The following BCKDHB variants were observed in gnomAD, a reference collection of about 807,000 sequenced individuals.
BCKDHB encodes branched chain keto acid dehydrogenase E1 subunit beta.
BCKDHB carries 41 observed loss-of-function variants against 48.5 expected under a neutral mutation model. The observed-to-expected ratio is 0.85, with a 90% CI of 0.66 to 1.10. The LOEUF (loss-of-function observed/expected upper bound fraction) is 1.10. BCKDHB is among the 50% of genes least tolerant of loss of function. BCKDHB has a pLI of 0.00. For synonymous variants in BCKDHB, 201 were observed against 174.8 expected (o/e 1.15, Z -1.18); for missense variants, 496 against 494.2 (o/e 1.00, Z -0.03).
chr6:80,168,766 T>C, intron 4 of BCKDHB, 109 bp from the exon 5 acceptor site: 1 of 805,650 alleles, frequency 1.2e-6, no homozygotes, highest in Non-Finnish European at 1.7e-6. Context: ...GAAAGACTCA[T>C]TGTGCCTTGG....
chr6:80,234,039 C>T (rs1776043310), intron 8 of BCKDHB, among the ~76,000 whole-genome samples: 1 of 152,060 alleles, frequency 6.6e-6, no homozygotes, highest in Non-Finnish European at 1.5e-5. Flanking sequence ...CACCCTAGAT[C>T]CCTCGCATGC....
chr6:80,264,485 G>A (rs183885966), intron 8 of BCKDHB, among the ~76,000 whole-genome samples: 46 of 152,228 alleles, frequency 3.0e-4, no homozygotes, highest in Non-Finnish European at 1.5e-5. Context: ...TGTGTAACTT[G>A]TCTCTTTTGT....
chr6:80,178,161 G>C (rs1773252306), intron 6 of BCKDHB, among the ~76,000 whole-genome samples: 2 of 152,138 alleles, frequency 1.3e-5, no homozygotes, highest in Admixed American at 1.3e-4. Flanking sequence ...TTCTTTTCTG[G>C]TATTTTCTAC....
At chr6:80,300,222 AGTT>A (rs1767511307) in intron 9 of BCKDHB, among the ~76,000 whole-genome samples, 1 of 151,958 alleles carries the variant, frequency 6.6e-6, no homozygotes. Flanking sequence ...AGCTAATTTT[AGTT>A]GTTTTTAGTA....
chr6:80,407,804 G>A, the BCKDHB span, among the ~76,000 whole-genome samples: 7 of 152,176 alleles, frequency 4.6e-5, no homozygotes, highest in Admixed American at 1.3e-4. Context: ...CTGCAAACAG[G>A]GACAATTTGA....
At chr6:80,258,627 C>T (rs997118301) in intron 8 of BCKDHB, among the ~76,000 whole-genome samples, 12 of 152,156 alleles carry the variant, frequency 7.9e-5, no homozygotes, top group Non-Finnish European at 1.3e-4. Context: ...TGAGTACCTG[C>T]CTTTTCCCAG....
chr6:80,408,905 C>G, the BCKDHB span, among the ~76,000 whole-genome samples: 1 of 151,084 alleles, frequency 6.6e-6, no homozygotes, highest in South Asian at 2.1e-4. Flanking sequence ...TATTTCTTGC[C>G]TCCTGCTAGC....
chr6:80,456,270 C>G, the BCKDHB span, among the ~76,000 whole-genome samples: 1 of 150,694 alleles, frequency 6.6e-6, no homozygotes, highest in Non-Finnish European at 1.5e-5. Context: ...AAAACAACAA[C>G]ACATAGTGCT....
chr6:80,157,312 T>C (rs1276609185), intron 3 of BCKDHB, among the ~76,000 whole-genome samples: 1 of 152,206 alleles, frequency 6.6e-6, no homozygotes, highest in African/African-American at 2.4e-5. Context: ...GGCCTGATTT[T>C]TAGTTTCTGT....
At chr6:80,221,239 C>T (rs533275530) in intron 8 of BCKDHB, among the ~76,000 whole-genome samples, 1 of 152,234 alleles carries the variant, frequency 6.6e-6, no homozygotes, top group South Asian at 2.1e-4. Context: ...CATTGGCTTC[C>T]TCTACTCTTT....
chr6:80,419,698 G>T, the BCKDHB span, among the ~76,000 whole-genome samples: 1 of 152,146 alleles, frequency 6.6e-6, no homozygotes, highest in East Asian at 1.9e-4. Flanking sequence ...ATTTCCAGAG[G>T]TCCATGGTGA....
At chr6:80,428,249 C>T in the BCKDHB span, among the ~76,000 whole-genome samples, 16 of 152,188 alleles carry the variant, frequency 1.1e-4, no homozygotes, top group African/African-American at 3.6e-4. Flanking sequence ...ATATGTACCA[C>T]ATTTTCTTAA....
chr6:80,126,707 A>T (rs1030240055), intron 1 of BCKDHB, among the ~76,000 whole-genome samples: 2 of 152,048 alleles, frequency 1.3e-5, no homozygotes, highest in Non-Finnish European at 2.9e-5. Flanking sequence ...AAGTTTTGGG[A>T]TGACTGTGGG....
At chr6:80,358,496 C>T in the BCKDHB span, among the ~76,000 whole-genome samples, 8 of 152,086 alleles carry the variant, frequency 5.3e-5, no homozygotes, top group Non-Finnish European at 1.0e-4. Flanking sequence ...CATCAAAAGC[C>T]GATCTGGATT....
At chr6:80,399,785 G>A in the BCKDHB span, among the ~76,000 whole-genome samples, 61,815 of 151,818 alleles carry the variant, frequency 0.41, 14,438 homozygotes, top group Non-Finnish European at 0.54. Context: ...CCTCAATAGC[G>A]AAGGCAATCC....
At chr6:80,395,422 G>T in the BCKDHB span, among the ~76,000 whole-genome samples, 3 of 152,188 alleles carry the variant, frequency 2.0e-5, no homozygotes, top group Non-Finnish European at 2.9e-5. Context: ...GGAACTTGTT[G>T]GGAACTGGAG....
chr6:80,371,880 A>G, the BCKDHB span, among the ~76,000 whole-genome samples: 9 of 152,024 alleles, frequency 5.9e-5, no homozygotes, highest in African/African-American at 1.9e-4. Flanking sequence ...TTTGGTGACT[A>G]TGACCTTATA....
At chr6:80,433,667 G>C in the BCKDHB span, among the ~76,000 whole-genome samples, 1 of 152,108 alleles carries the variant, frequency 6.6e-6, no homozygotes, top group African/African-American at 2.4e-5. Flanking sequence ...CCAGGAGAGT[G>C]AAGGGTTCTG....
At chr6:80,183,147 C>A (rs1363081577) in intron 6 of BCKDHB, among the ~76,000 whole-genome samples, 1 of 152,082 alleles carries the variant, frequency 6.6e-6, no homozygotes, top group Non-Finnish European at 1.5e-5. Context: ...ATCTCTTAAT[C>A]CCTTTCTTGC....
Sources: gnomAD v4.1 joint callset for allele counts (sites outside exome capture counted in the v4.1 genomes callset) on GRCh38, gnomAD v4.1.1 for gene constraint, MANE v1.5 for transcripts, NCBI Gene and HGNC (gene_info 2026-07-23, HGNC 2026-07-21) for gene names.